PCDHGA5: variants seen among roughly 807,000 people sequenced by gnomAD.
The protein encoded by PCDHGA5 is protocadherin gamma-A5.
PCDHGA5 carries 36 observed loss-of-function variants against 56.7 expected under a neutral mutation model. That is an observed-to-expected ratio of 0.64 (90% CI 0.49 to 0.84). The LOEUF is 0.84. PCDHGA5 is among the 40% of genes least tolerant of loss of function. PCDHGA5 has a pLI of 0.00. For synonymous variants in PCDHGA5, 563 were observed against 520.2 expected (o/e 1.08, Z -1.12); for missense variants, 1,305 against 1,201.5 (o/e 1.09, Z -1.27).
At chr5:141,499,029 A>AAGGAAGGAAGGAAGG (rs1562187768) in intron 2 of PCDHGA5, among the ~76,000 whole-genome samples, 10 of 139,968 alleles carry the variant, frequency 7.1e-5, no homozygotes, top group African/African-American at 2.8e-4. Context: ...AGGAAGGAAG[A>AAGGAAGGAAGGAAGG]AAAGAAAGAA....
intron 1 of PCDHGA5, chr5:141,392,870 G>A (rs757363357): frequency 6.2e-7 from 1 of 1,613,226 alleles, no homozygotes; most frequent in East Asian, 2.2e-5. Flanking sequence ...TGTGCGCGCT[G>A]CTGGGAACGC....
chr5:141,474,962 A>G (rs954703806), intron 1 of PCDHGA5, among the ~76,000 whole-genome samples: 3 of 152,256 alleles, frequency 2.0e-5, no homozygotes, highest in Non-Finnish European at 4.4e-5. Flanking sequence ...CACTATCCTA[A>G]TCATTATAAT....
chr5:141,475,013 G>C (rs950376592), intron 1 of PCDHGA5, among the ~76,000 whole-genome samples: 1 of 152,176 alleles, frequency 6.6e-6, no homozygotes, highest in Non-Finnish European at 1.5e-5. Flanking sequence ...AAAAGTTAAG[G>C]CTCTTTATTC....
In PCDHGA5 at chr5:141,486,403, T is replaced by C; in HGVS notation, c.2422-8404T>C. ...GGAACCAGTTCTCCCTGGTGACTGC[T>C]GGACCCTTGGATCGAGAGGCCAAAT... On this transcript the variant is annotated intron_variant, in intron 1 of 3. Coordinates refer to ENST00000518069, the MANE Select transcript of PCDHGA5 (RefSeq NM_018918.3). This position sits in a 1 kb window ranked among gnomAD's most constrained non-coding sequence, Gnocchi z 5.0. The C allele has an allele frequency of 6.2e-7, 1 of 1,614,212 alleles. No individual in the cohort carries two copies. Among genetic ancestry groups the C allele is most frequent in the Non-Finnish European group, 8.5e-7 (1 of 1,180,034 alleles).
chr5:141,412,559 GTTTA>G (rs2095563108), intron 1 of PCDHGA5: 1 of 152,224 alleles, frequency 6.6e-6, no homozygotes, highest in Admixed American at 6.5e-5. Flanking sequence ...TATCTCATGA[GTTTA>G]TTTAATATAA....
chr5:141,439,297 G>T (rs1252051365), intron 1 of PCDHGA5, among the ~76,000 whole-genome samples: 1 of 152,064 alleles, frequency 6.6e-6, no homozygotes, highest in African/African-American at 2.4e-5. Context: ...CATGGAAAAA[G>T]TAAAGCCCAG....
At chr5:141,410,851 T>A in intron 1 of PCDHGA5, 3 of 207,068 alleles carry the variant, frequency 1.4e-5, no homozygotes, top group Non-Finnish European at 1.7e-5. Flanking sequence ...GTCTTTGTCT[T>A]TTTTTTTTTT....
In PCDHGA5 at chr5:141,476,351, G is replaced by A; in HGVS notation, c.2422-18456G>A. The A allele has an allele frequency of 1.2e-6, 2 of 1,614,182 alleles. No individual in the cohort carries two copies. The highest frequency in any genetic ancestry group is 1.7e-6 in the Non-Finnish European group (2 of 1,180,046). ...TGGAGCTAGCCGAAGATTCTTTGAG[G>A]TGAACCGGGAGACCGGAGAGATGTT... On this transcript the variant is annotated intron_variant, in intron 1 of 3. Coordinates refer to ENST00000518069, the MANE Select transcript of PCDHGA5 (RefSeq NM_018918.3). This position sits in a 1 kb window ranked among gnomAD's most constrained non-coding sequence, Gnocchi z 7.6.
At chr5:141,371,866 T>A (rs1768128471) in intron 1 of PCDHGA5, 1 of 1,613,504 alleles carries the variant, frequency 6.2e-7, no homozygotes, top group Non-Finnish European at 8.5e-7. Flanking sequence ...TCCTACTACA[T>A]CGTGGCCAGT....
intron 1 of PCDHGA5, among the ~76,000 whole-genome samples, chr5:141,402,117 A>G (rs1344939045): frequency 6.6e-6 from 1 of 152,172 alleles, no homozygotes; most frequent in Non-Finnish European, 1.5e-5. Context: ...AAATGTGAAA[A>G]TTTCCAACTT....
At chr5:141,374,592 T>C in intron 1 of PCDHGA5, 1 of 1,613,700 alleles carries the variant, frequency 6.2e-7, no homozygotes, top group Admixed American at 1.7e-5. Context: ...CTTCAGGGAT[T>C]TAAGCTCAGT....
At chr5:141,483,584 T>C (rs2099583159) in intron 1 of PCDHGA5, among the ~76,000 whole-genome samples, 1 of 152,064 alleles carries the variant, frequency 6.6e-6, no homozygotes, top group African/African-American at 2.4e-5. Context: ...CATAAACACC[T>C]AATAGGTCAG....
rs200576950 is a variant in PCDHGA5 at position 141,477,475 on chromosome 5, C to T, written c.2422-17332C>T. The T allele has an allele frequency of 1.2e-6, 2 of 1,614,124 alleles. No individual in the cohort carries two copies. Among genetic ancestry groups the T allele is most frequent in the African/African-American group, 2.7e-5 (2 of 75,010 alleles). ...TTCAAGTGTCCGACATCAATGACAACCCTCCACAATCTTCTCAATCTTCCT... is the reference window on the plus strand; with the variant it reads ...TTCAAGTGTCCGACATCAATGACAATCCTCCACAATCTTCTCAATCTTCCT... On this transcript the variant is annotated intron_variant, in intron 1 of 3. Transcript: ENST00000518069. The surrounding 1 kb of genome is among the most constrained non-coding windows in gnomAD (Gnocchi z 4.9).
intron 1 of PCDHGA5, chr5:141,413,173 A>G: frequency 6.2e-7 from 1 of 1,600,856 alleles, no homozygotes; most frequent in African/African-American, 1.3e-5. Context: ...TAACCAGACT[A>G]CAATGGCCGC....
At chr5:141,378,382 G>C (rs1774857490) in intron 1 of PCDHGA5, 1 of 152,274 alleles carries the variant, frequency 6.6e-6, no homozygotes, top group South Asian at 2.1e-4. Context: ...AATTAGCCAG[G>C]TGGGGTGGCA....
intron 1 of PCDHGA5, chr5:141,390,004 T>C (rs749173529): frequency 1.9e-6 from 3 of 1,614,044 alleles, no homozygotes; most frequent in Admixed American, 1.7e-5. Flanking sequence ...GCCATGATTC[T>C]GGCCATTGCC....
At chr5:141,500,086 A>G (rs1456179271) in intron 2 of PCDHGA5, among the ~76,000 whole-genome samples, 1 of 151,682 alleles carries the variant, frequency 6.6e-6, no homozygotes, top group Non-Finnish European at 1.5e-5. Flanking sequence ...TCCATCTTCC[A>G]TTTTTGCAAT....
chr5:141,383,743 C>T (rs371173445), intron 1 of PCDHGA5: 56 of 1,613,920 alleles, frequency 3.5e-5, no homozygotes, highest in Non-Finnish European at 4.7e-5. Flanking sequence ...ATATTCTTTT[C>T]GGAAAATAAC....
intron 1 of PCDHGA5, chr5:141,393,205 C>A: frequency 6.2e-7 from 1 of 1,613,504 alleles, no homozygotes; most frequent in Non-Finnish European, 8.5e-7. Flanking sequence ...GATAATAACC[C>A]AAAATTCCAG....
Sources: gnomAD v4.1 joint callset for allele counts (sites outside exome capture counted in the v4.1 genomes callset) on GRCh38, gnomAD v4.1.1 for gene constraint, Gnocchi (gnomAD v3.1) non-coding constraint, MANE v1.5 for transcripts, NCBI Gene and HGNC (gene_info 2026-07-23, HGNC 2026-07-21) for gene names.